WWOX: variants seen among roughly 807,000 people sequenced by gnomAD.
WWOX encodes the protein WW domain containing oxidoreductase, also known as WW domain-containing oxidoreductase.
Under a neutral mutation model 46.2 loss-of-function variants are expected in WWOX, and 69 were observed. The ratio of observed to expected loss-of-function variants is 1.49; its 90% CI spans 1.23 to 1.82. The LOEUF (loss-of-function observed/expected upper bound fraction) is 1.82. Among genes scored for constraint, WWOX ranks in the 40% most tolerant of loss-of-function variants. The pLI is 0.00. For synonymous variants in WWOX, 359 were observed against 202.6 expected, an observed-to-expected ratio of 1.77 and a Z score of -6.56; for missense variants, 919 against 542.6, an observed-to-expected ratio of 1.69 and a Z score of -6.89.
At chr16:78,607,352 T>C (rs966054729) in intron 8 of WWOX, among the ~76,000 whole-genome samples, 10 of 152,256 alleles carry the variant, frequency 6.6e-5, no homozygotes, top group Non-Finnish European at 1.3e-4. Flanking sequence ...CATTTACTTC[T>C]CTTCCCTTTT....
chr16:78,670,129 CAGT>C (rs148445859), intron 8 of WWOX, among the ~76,000 whole-genome samples: 4,215 of 152,212 alleles, frequency 0.028, 190 homozygotes, highest in African/African-American at 0.096. Flanking sequence ...TTCTCTGCGT[CAGT>C]AGAGGCCAGC....
chr16:78,743,529 C>T (rs931897337), intron 8 of WWOX, among the ~76,000 whole-genome samples: 5 of 152,076 alleles, frequency 3.3e-5, no homozygotes, highest in Non-Finnish European at 7.4e-5. Context: ...GGCTGATTCA[C>T]GTTGACTTTG....
At chr16:79,032,005 A>G (rs1236102127) in intron 8 of WWOX, among the ~76,000 whole-genome samples, 11 of 143,976 alleles carry the variant, frequency 7.6e-5, no homozygotes, top group Non-Finnish European at 1.4e-4. Context: ...TTGGGCTGTT[A>G]TTAGGTAGAC....
At chr16:79,097,037 C>G (rs2049090388) in intron 8 of WWOX, among the ~76,000 whole-genome samples, 1 of 151,946 alleles carries the variant, frequency 6.6e-6, no homozygotes, top group South Asian at 2.1e-4. Flanking sequence ...ATAGAAGGAT[C>G]TCTTCATTTA....
At chr16:78,614,450 T>C (rs1349145599) in intron 8 of WWOX, among the ~76,000 whole-genome samples, 1 of 152,216 alleles carries the variant, frequency 6.6e-6, no homozygotes, top group African/African-American at 2.4e-5. Flanking sequence ...ATACTCTGGC[T>C]GGGGTGAGGG....
At chr16:78,417,733 C>T (rs150359270) in intron 6 of WWOX, among the ~76,000 whole-genome samples, 1 of 152,156 alleles carries the variant, frequency 6.6e-6, no homozygotes, top group African/African-American at 2.4e-5. Context: ...ATGAGTGTTA[C>T]AGGTAGGCTC....
chr16:78,534,580 G>A (rs2043711513), intron 8 of WWOX: 1 of 152,226 alleles, frequency 6.6e-6, no homozygotes, highest in African/African-American at 2.4e-5. Context: ...GGAAATCTTG[G>A]AAGGTGAAAT....
intron 8 of WWOX, among the ~76,000 whole-genome samples, chr16:78,653,872 A>G (rs1024074316): frequency 1.8e-4 from 28 of 152,236 alleles, no homozygotes; most frequent in Non-Finnish European, 4.1e-4. Flanking sequence ...GGTTTGAATC[A>G]CGTTGTCTAT....
chr16:78,392,006 TTTC>T (rs1456649107), intron 6 of WWOX, among the ~76,000 whole-genome samples: 11 of 151,826 alleles, frequency 7.2e-5, no homozygotes, highest in African/African-American at 2.7e-4. Flanking sequence ...TTTTTTTTTT[TTTC>T]CTTAAAAAAA....
chr16:78,390,682 C>G (rs573684164), intron 6 of WWOX, among the ~76,000 whole-genome samples: 9 of 152,294 alleles, frequency 5.9e-5, no homozygotes, highest in African/African-American at 2.2e-4. Flanking sequence ...TCGATTCTGA[C>G]AACTGTCAGA....
At chr16:78,931,321 G>T (rs1352445096) in intron 8 of WWOX, among the ~76,000 whole-genome samples, 1 of 152,170 alleles carries the variant, frequency 6.6e-6, no homozygotes, top group Admixed American at 6.5e-5. Flanking sequence ...GTCAAAGAAG[G>T]TCTTCTTCTC....
intron 8 of WWOX, among the ~76,000 whole-genome samples, chr16:78,793,269 C>G (rs182423463): frequency 6.6e-6 from 1 of 152,238 alleles, no homozygotes; most frequent in East Asian, 1.9e-4. Context: ...CCATGTTGCA[C>G]TGGCTGGTCT....
intron 8 of WWOX, among the ~76,000 whole-genome samples, chr16:79,001,472 C>G (rs558722870): frequency 1.8e-4 from 27 of 152,252 alleles, no homozygotes; most frequent in South Asian, 1.7e-3. Context: ...CGTGCAGCTT[C>G]TGTTTAAGGC....
chr16:79,018,735 C>G (rs1467791990), intron 8 of WWOX, among the ~76,000 whole-genome samples: 1 of 152,164 alleles, frequency 6.6e-6, no homozygotes, highest in East Asian at 1.9e-4. Context: ...GAGCCATAAA[C>G]CAGGGTCTTT....
intron 5 of WWOX, among the ~76,000 whole-genome samples, chr16:78,314,688 G>GTTTTTT (rs375905643): frequency 8.8e-5 from 8 of 90,484 alleles, no homozygotes; most frequent in East Asian, 4.1e-4. Context: ...CCCTGCAGGG[G>GTTTTTT]TTTTTTTTTT....
intron 8 of WWOX, among the ~76,000 whole-genome samples, chr16:79,148,220 G>T (rs1659670623): frequency 1.3e-5 from 2 of 152,094 alleles, no homozygotes; most frequent in South Asian, 4.2e-4. Flanking sequence ...TTGCATGTAT[G>T]CCCATGATAA....
intron 8 of WWOX, among the ~76,000 whole-genome samples, chr16:79,030,530 G>C (rs1032649995): frequency 6.6e-6 from 1 of 152,156 alleles, no homozygotes; most frequent in African/African-American, 2.4e-5. Context: ...ACCAGACCAG[G>C]CGTGATCCCT....
chr16:78,194,923 C>T (rs1433985882), intron 5 of WWOX, among the ~76,000 whole-genome samples: 2 of 152,316 alleles, frequency 1.3e-5, no homozygotes, highest in African/African-American at 4.8e-5. Flanking sequence ...GTAGAATGTG[C>T]GTTCTGCTAT....
At chr16:78,528,310 G>T (rs1391333298) in intron 8 of WWOX, among the ~76,000 whole-genome samples, 2 of 150,444 alleles carry the variant, frequency 1.3e-5, no homozygotes, top group East Asian at 2.0e-4. Context: ...CACCACACCC[G>T]CCCTACATGG....
Sources: gnomAD v4.1 joint callset for allele counts (sites outside exome capture counted in the v4.1 genomes callset) on GRCh38, gnomAD v4.1.1 for gene constraint, MANE v1.5 for transcripts, NCBI Gene and HGNC (gene_info 2026-07-23, HGNC 2026-07-21) for gene names.